CACNA2D3: variants seen among roughly 807,000 people sequenced by gnomAD.
CACNA2D3 encodes the protein voltage-dependent calcium channel subunit alpha-2/delta-3.
A neutral mutation model predicts 160.6 loss-of-function variants in CACNA2D3; 60 were observed. That is an observed-to-expected ratio of 0.37 (90% confidence interval 0.30 to 0.46). The LOEUF is 0.46. Among genes scored for constraint, CACNA2D3 ranks in the 20% least tolerant of loss-of-function variants. The probability of loss-of-function intolerance (pLI) is 1.00; values close to 1 mark genes in which losing one functional copy is unlikely to be tolerated. For missense variants in CACNA2D3, 1,205 were observed against 1,365.0 expected, an observed-to-expected ratio of 0.88 and a Z score of 1.85; for synonymous variants, 558 against 492.9, an observed-to-expected ratio of 1.13 and a Z score of -1.75.
chr3:54,631,366 T>TA (rs1186241876), intron 10 of CACNA2D3, among the ~76,000 whole-genome samples: 3 of 152,224 alleles, frequency 2.0e-5, no homozygotes, highest in Admixed American at 6.5e-5. Context: ...TTTAAATAGC[T>TA]AAACTCTTTG....
At chr3:54,388,993 CAGAT>C (rs912753962) in intron 4 of CACNA2D3, among the ~76,000 whole-genome samples, 4 of 149,242 alleles carry the variant, frequency 2.7e-5, no homozygotes, top group African/African-American at 9.8e-5. Context: ...AATAAATAAA[CAGAT>C]AGATAGATTA....
At chr3:54,157,835 C>CAA (rs5849032) in intron 2 of CACNA2D3, among the ~76,000 whole-genome samples, 68 of 134,354 alleles carry the variant, frequency 5.1e-4, no homozygotes, top group East Asian at 4.2e-3. Context: ...CCCAACCAAA[C>CAA]AAAAAAAAAA....
intron 2 of CACNA2D3, among the ~76,000 whole-genome samples, chr3:54,137,434 A>G (rs1699834088): frequency 6.6e-6 from 1 of 152,174 alleles, no homozygotes. Context: ...CCTTTAACAG[A>G]AAATTGTTTA....
In CACNA2D3 at chr3:54,573,765, T is replaced by C. The variant is rs545067433; in HGVS notation, c.888+3661T>C. Reference sequence around the variant, plus strand: ...CCAACAGTTTGAGGCTTCTAAATAATAGGAGATTCCTAGCTGGCTAATTTT... The same window carrying C: ...CCAACAGTTTGAGGCTTCTAAATAACAGGAGATTCCTAGCTGGCTAATTTT... On this transcript the variant is annotated intron_variant, in intron 8 of 37. Transcript: ENST00000474759. 1.4e-4 allele frequency among the ~76,000 whole-genome samples: 22 copies of C among 152,366 alleles called. No homozygotes were observed. The South Asian group carries it at 4.1e-3, about 29-fold the overall frequency.
rs1041486545 is a variant in CACNA2D3, at chr3:54,988,098, A to G, written c.2690+345A>G. Among the ~76,000 whole-genome samples, 10 of 152,252 alleles carry G rather than the reference A, an allele frequency of 6.6e-5. No homozygotes were observed. In the Middle Eastern group the frequency reaches 0.01, roughly 155 times the overall value. ...TCACCTGGCCGGAAGGGTGGAGTGT[A>G]TTTTGTCTCCTATTGATTAACCTGG... On this transcript the variant is annotated intron_variant, in intron 31 of 37. Transcript: ENST00000474759.
chr3:54,991,292 A>G (rs9815396), intron 31 of CACNA2D3, among the ~76,000 whole-genome samples: 151,234 of 151,238 alleles, frequency 1, 75,615 homozygotes, highest in Middle Eastern at 1. Context: ...GTACAATCTC[A>G]GCTCACTGCA....
At chr3:54,576,727 C>T (rs538829508) in intron 8 of CACNA2D3, among the ~76,000 whole-genome samples, 13 of 152,262 alleles carry the variant, frequency 8.5e-5, no homozygotes, top group African/African-American at 2.6e-4. Flanking sequence ...CAAATAAGCA[C>T]TATTTGTTAT....
chr3:54,797,238 CT>C (rs1246157712), intron 13 of CACNA2D3, among the ~76,000 whole-genome samples: 3 of 152,204 alleles, frequency 2.0e-5, no homozygotes, highest in Non-Finnish European at 4.4e-5. Flanking sequence ...CTTTCTTCCC[CT>C]GGCTGATGAT....
At chr3:54,539,511 G>T (rs1701938178) in intron 5 of CACNA2D3, among the ~76,000 whole-genome samples, 1 of 152,172 alleles carries the variant, frequency 6.6e-6, no homozygotes, top group Admixed American at 6.5e-5. Context: ...TTTGTGTGGT[G>T]TGTACCCTAT....
At chr3:54,675,621 G>T (rs185446013) in intron 11 of CACNA2D3, among the ~76,000 whole-genome samples, 3 of 152,114 alleles carry the variant, frequency 2.0e-5, no homozygotes, top group Non-Finnish European at 4.4e-5. Context: ...GGGAGGAGAC[G>T]CAGAGGATGA....
intron 26 of CACNA2D3, 135 bp downstream of exon 26, chr3:54,897,005 G>C (rs777514134): frequency 2.1e-5 from 23 of 1,106,942 alleles, no homozygotes; most frequent in Non-Finnish European, 2.8e-5. Flanking sequence ...TGAATATTGG[G>C]TCAGCCCTGA....
chr3:54,200,924 A>G (rs1701165374), intron 2 of CACNA2D3, among the ~76,000 whole-genome samples: 1 of 152,136 alleles, frequency 6.6e-6, no homozygotes, highest in Non-Finnish European at 1.5e-5. Context: ...CAAAATTGTT[A>G]TTGTTATATT....
chr3:54,526,882 G>T (rs543418995), intron 5 of CACNA2D3, among the ~76,000 whole-genome samples: 1 of 152,264 alleles, frequency 6.6e-6, no homozygotes, highest in African/African-American at 2.4e-5. Flanking sequence ...GTAGAGACAG[G>T]GTTTCACCAT....
intron 5 of CACNA2D3, among the ~76,000 whole-genome samples, chr3:54,521,408 G>C (rs1242158566): frequency 6.6e-6 from 1 of 151,006 alleles, no homozygotes; most frequent in Admixed American, 6.6e-5. Context: ...TTTTATTATG[G>C]TGTTGTAAGA....
chr3:55,039,043 A>T (rs895955811), intron 35 of CACNA2D3, among the ~76,000 whole-genome samples: 3 of 151,864 alleles, frequency 2.0e-5, no homozygotes, highest in African/African-American at 7.3e-5. Flanking sequence ...TGAAGCAGAG[A>T]TGCTGCCCTG....
chr3:54,347,585 G>A (rs1459677087), intron 3 of CACNA2D3, among the ~76,000 whole-genome samples: 8 of 152,044 alleles, frequency 5.3e-5, no homozygotes, highest in Admixed American at 4.6e-4. Context: ...AACATCAGAT[G>A]TTTGTGGGAT....
intron 2 of CACNA2D3, among the ~76,000 whole-genome samples, chr3:54,171,136 C>CTTTTTTTCTTTTTTTTTT (rs1700558214): frequency 1.6e-5 from 1 of 62,542 alleles, no homozygotes; most frequent in Non-Finnish European, 2.9e-5. Flanking sequence ...AAGATGATGA[C>CTTTTTTTCTTTTTTTTTT]TTTTTTTTTT....
chr3:54,813,990 C>A (rs59197943), intron 13 of CACNA2D3, among the ~76,000 whole-genome samples: 1 of 151,546 alleles, frequency 6.6e-6, no homozygotes, highest in Non-Finnish European at 1.5e-5. Context: ...CTCAGCCTCC[C>A]GAGTAGCTGG....
intron 9 of CACNA2D3, among the ~76,000 whole-genome samples, chr3:54,589,583 A>G (rs1051601811): frequency 9.9e-5 from 15 of 152,158 alleles, no homozygotes; most frequent in African/African-American, 3.4e-4. Flanking sequence ...ACCTTTTGCT[A>G]TGTGAAAGAC....
Sources: gnomAD v4.1 joint callset for allele counts (sites outside exome capture counted in the v4.1 genomes callset) on GRCh38, gnomAD v4.1.1 for gene constraint, MANE v1.5 for transcripts, NCBI Gene and HGNC (gene_info 2026-07-23, HGNC 2026-07-21) for gene names.